LIN9: variants seen among roughly 807,000 people sequenced by gnomAD.
The protein encoded by LIN9 is lin-9 DREAM MuvB core complex component.
Under a neutral mutation model 78.0 loss-of-function variants are expected in LIN9, and 18 were observed. That is an observed-to-expected ratio of 0.23 (90% confidence interval 0.16 to 0.34). The LOEUF is 0.34. Among genes scored for constraint, LIN9 ranks in the 10% least tolerant of loss-of-function variants. The probability of loss-of-function intolerance (pLI) is 1.00; values close to 1 mark genes in which losing one functional copy is unlikely to be tolerated. For missense variants in LIN9, 451 were observed against 644.1 expected, an observed-to-expected ratio of 0.70 and a Z score of 3.25; for synonymous variants, 192 against 215.2, an observed-to-expected ratio of 0.89 and a Z score of 0.94.
chr1:226,279,195 A>G (rs1660879815), intron 6 of LIN9, among the ~76,000 whole-genome samples: 1 of 151,724 alleles, frequency 6.6e-6, no homozygotes, highest in African/African-American at 2.4e-5. Flanking sequence ...TTGGCCAAGC[A>G]TGGTGGCTCA....
intron 4 of LIN9, among the ~76,000 whole-genome samples, chr1:226,292,366 C>G (rs1182117477): frequency 2.6e-5 from 4 of 152,082 alleles, no homozygotes; most frequent in African/African-American, 9.7e-5. Flanking sequence ...CACCATGTTG[C>G]CCAGGCCAGT....
At chr1:226,241,633 TG>T (rs1658117696) in intron 11 of LIN9, among the ~76,000 whole-genome samples, 1 of 151,336 alleles carries the variant, frequency 6.6e-6, no homozygotes, top group Non-Finnish European at 1.5e-5. Context: ...CTGAGGCGGG[TG>T]GATCACGAGG....
intron 2 of LIN9, 98 bp from the exon 3 acceptor site, chr1:226,297,911 ATTT>A: frequency 4.2e-6 from 2 of 471,786 alleles, no homozygotes; most frequent in African/African-American, 2.0e-5. Context: ...TATCTAAAAT[ATTT>A]AATATGGAAA....
chr1:226,236,524 C>T (rs1263230095), intron 12 of LIN9, among the ~76,000 whole-genome samples: 3 of 151,996 alleles, frequency 2.0e-5, no homozygotes, highest in South Asian at 2.1e-4. Flanking sequence ...GGCGCAATCT[C>T]GGCTCACTGC....
chr1:226,267,318 A>ATATGTGTGTATGTATG, intron 8 of LIN9, among the ~76,000 whole-genome samples: 2 of 140,902 alleles, frequency 1.4e-5, no homozygotes, highest in Admixed American at 1.5e-4. Context: ...TATTATGTAT[A>ATATGTGTGTATGTATG]TATGTATGTA....
intron 10 of LIN9, among the ~76,000 whole-genome samples, chr1:226,262,246 G>C (rs78388646): frequency 1.3e-5 from 2 of 152,168 alleles, no homozygotes; most frequent in African/African-American, 4.8e-5. Flanking sequence ...ATGACATCAA[G>C]GGCATGATCC....
intron 4 of LIN9, among the ~76,000 whole-genome samples, chr1:226,289,434 C>T (rs1661584373): frequency 6.6e-6 from 1 of 152,094 alleles, no homozygotes; most frequent in South Asian, 2.1e-4. Context: ...GCAAACATTG[C>T]TCACTACAGC....
At chr1:226,288,816 CTATATA>C (rs972998896) in intron 4 of LIN9, among the ~76,000 whole-genome samples, 1 of 152,078 alleles carries the variant, frequency 6.6e-6, no homozygotes, top group East Asian at 1.9e-4. Flanking sequence ...TCAATGTTAC[CTATATA>C]TATCATTTCC....
intron 3 of LIN9, 93 bp downstream of exon 3, chr1:226,297,626 A>T (rs1576356737): frequency 1.3e-6 from 1 of 796,038 alleles, no homozygotes; most frequent in Non-Finnish European, 1.9e-6. Flanking sequence ...AAACTTGTAA[A>T]TTTTTTACTG....
intron 11 of LIN9, among the ~76,000 whole-genome samples, chr1:226,246,002 GTA>G (rs1658452716): frequency 1.3e-5 from 2 of 152,130 alleles, no homozygotes; most frequent in African/African-American, 4.8e-5. Context: ...AGGCCTATAT[GTA>G]TATACACCCC....
rs1412641697 is a variant in LIN9 at position 226,265,697 on chromosome 1, AT to A, written c.937-64del. On this transcript the variant is annotated intron_variant, in intron 9 of 14. Transcript: ENST00000681046. This position sits in a 1 kb window ranked among gnomAD's most constrained non-coding sequence, Gnocchi z 4.1. ...TTCAGAGGAAGTATCTTATTTTTTT[AT>A]TTTTATTTTTTTTTAGACGGAGTCT... The A allele has an allele frequency of 1.1e-5, 10 of 925,590 alleles. No homozygotes were observed. Among genetic ancestry groups the A allele is most frequent in the Middle Eastern group, 5.9e-4 (2 of 3,408 alleles). 57.3% of individuals were successfully genotyped at this position (925,590 alleles called of 1,614,324 possible). A position where few individuals can be genotyped will look rare whatever the true frequency, so the allele number is the denominator to read the frequency against.
intron 6 of LIN9, among the ~76,000 whole-genome samples, chr1:226,281,602 A>G (rs890985895): frequency 6.6e-6 from 1 of 152,166 alleles, no homozygotes; most frequent in Admixed American, 6.6e-5. Context: ...CAACTATTAT[A>G]TATCAATTTA....
chr1:226,309,636 A>G, upstream of LIN9: 2 of 1,274,390 alleles, frequency 1.6e-6, no homozygotes, highest in Non-Finnish European at 2.1e-6. Context: ...AGTTCCCGAA[A>G]CCCACGTTGC....
chr1:226,307,262 C>T (rs966377200), intron 1 of LIN9, among the ~76,000 whole-genome samples: 3 of 152,124 alleles, frequency 2.0e-5, no homozygotes, highest in Admixed American at 6.6e-5. Flanking sequence ...GATAAAGATA[C>T]CAAGGATGAT....
chr1:226,305,329 A>C (rs1014629666), intron 1 of LIN9, among the ~76,000 whole-genome samples: 72 of 150,028 alleles, frequency 4.8e-4, no homozygotes, highest in Admixed American at 1.5e-3. Context: ...AAAAAAAAAA[A>C]AAAAAAAAAA....
intron 10 of LIN9, among the ~76,000 whole-genome samples, chr1:226,254,712 C>A (rs1291914410): frequency 2.0e-5 from 3 of 151,892 alleles, no homozygotes; most frequent in African/African-American, 7.3e-5. Context: ...GAGATCGAGA[C>A]CATCCTGGCT....
chr1:226,245,679 T>TGCTGCAAC (rs1329964621), intron 11 of LIN9, among the ~76,000 whole-genome samples: 1 of 14,018 alleles, frequency 7.1e-5, no homozygotes, highest in Non-Finnish European at 1.4e-4. Flanking sequence ...CTGCAACCTC[T>TGCTGCAAC]CTCTGCTTCC....
At position 226,265,397 on chromosome 1, in the gene LIN9, G is replaced by A; in HGVS notation, c.1038+136C>T. The A allele has an allele frequency of 2.1e-6, 1 of 467,286 alleles. No homozygotes were observed. 28.9% of individuals were successfully genotyped at this position (467,286 alleles called of 1,614,324 possible). A position where few individuals can be genotyped will look rare whatever the true frequency, so the allele number is the denominator to read the frequency against. Reference sequence around the variant, plus strand: ...TGGTTTTTATAACTTTTATTTTCAGGCTTTGTTGGAAATAGCAGCTCTTAA... The same window carrying A: ...TGGTTTTTATAACTTTTATTTTCAGACTTTGTTGGAAATAGCAGCTCTTAA... On this transcript the variant is annotated intron_variant, in intron 10 of 14. Transcript: ENST00000681046. This position sits in a 1 kb window ranked among gnomAD's most constrained non-coding sequence, Gnocchi z 4.1.
chr1:226,234,738 ACACT>A (rs888689793), intron 12 of LIN9, among the ~76,000 whole-genome samples: 8 of 152,110 alleles, frequency 5.3e-5, no homozygotes, highest in Non-Finnish European at 7.4e-5. Context: ...GCAGACATAT[ACACT>A]CACTTATACA....
Sources: gnomAD v4.1 joint callset for allele counts (sites outside exome capture counted in the v4.1 genomes callset) on GRCh38, gnomAD v4.1.1 for gene constraint, Gnocchi (gnomAD v3.1) non-coding constraint, MANE v1.5 for transcripts, NCBI Gene and HGNC (gene_info 2026-07-23, HGNC 2026-07-21) for gene names.